Variants in C12orf42 observed in about 807,000 individuals in gnomAD.
C12orf42 encodes the protein uncharacterized protein C12orf42.
A neutral mutation model predicts 21.6 loss-of-function variants in C12orf42; 25 were observed. That is an observed-to-expected ratio of 1.16 (90% CI 0.84 to 1.62). The LOEUF is 1.62. Ranked by LOEUF, C12orf42 falls within the 40% of genes most tolerant of loss-of-function variation. The pLI is 0.00. For synonymous variants in C12orf42, 174 were observed against 175.0 expected (o/e 0.99, Z 0.05); for missense variants, 483 against 459.3 (o/e 1.05, Z -0.47).
At chr12:103,075,358 T>C in the C12orf42 span, among the ~76,000 whole-genome samples, 1 of 152,324 alleles carries the variant, frequency 6.6e-6, no homozygotes, top group Non-Finnish European at 1.5e-5. Context: ...TAATTAAGTT[T>C]GTTAGAATTC....
the C12orf42 span, among the ~76,000 whole-genome samples, chr12:103,111,281 A>G: frequency 2.0e-5 from 3 of 152,094 alleles, no homozygotes; most frequent in Non-Finnish European, 4.4e-5. Flanking sequence ...TATGATTTCT[A>G]TTTTCTCCTG....
At chr12:103,356,154 T>C (rs1226994046) in intron 4 of C12orf42, among the ~76,000 whole-genome samples, 1 of 152,022 alleles carries the variant, frequency 6.6e-6, no homozygotes, top group Non-Finnish European at 1.5e-5. Context: ...CCTTTCTAGG[T>C]CACATGGCTT....
chr12:103,442,388 A>C (rs1951303486), intron 2 of C12orf42, among the ~76,000 whole-genome samples: 1 of 152,148 alleles, frequency 6.6e-6, no homozygotes, highest in Admixed American at 6.5e-5. Flanking sequence ...ACTGGACAGC[A>C]CAGATGTGCA....
chr12:103,510,832 C>T, the C12orf42 span, among the ~76,000 whole-genome samples: 1 of 152,122 alleles, frequency 6.6e-6, no homozygotes, highest in Non-Finnish European at 1.5e-5. Flanking sequence ...TTGTTCTTCA[C>T]CCATCCTTAA....
In C12orf42 at chr12:103,440,457, C is replaced by CAAAAAAAAAA; in HGVS notation, c.78+37882_78+37891dup. On this transcript the variant is annotated intron_variant, in intron 2 of 5. Coordinates refer to ENST00000548883, the MANE Select transcript of C12orf42 (RefSeq NM_198521.5). ...AAATAAATAAAAGCCTCACAGATAC[C>CAAAAAAAAAA]AAAAAAAAAAAAAAAAAAAAAAGAA... Among the ~76,000 whole-genome samples the CAAAAAAAAAA allele has an allele frequency of 2.7e-3, 191 of 69,692 alleles. 1 individual carries two copies. The highest frequency in any genetic ancestry group is 3.1e-3 in the African/African-American group (51 of 16,474). The allele number at this position is 69,692 out of a possible 152,430, so 45.7% of individuals were successfully genotyped here.
Position 103,302,035 on chromosome 12 carries a change from G to T in C12orf42, c.*73C>A. On this transcript the variant is annotated 3_prime_UTR_variant, in exon 6 of 6. Transcript: ENST00000548883. ...TTCTGTGGAAACCAGTACATCTGAG[G>T]CCCTTTCTGTTGTTCTGAGCAGGCA... 6.9e-7 allele frequency: 1 copy of T among 1,446,090 alleles called. No individual in the cohort carries two copies. Among genetic ancestry groups the T allele is most frequent in the Non-Finnish European group, 9.4e-7 (1 of 1,061,112 alleles). 89.6% of individuals were successfully genotyped at this position (1,446,090 alleles called of 1,614,324 possible).
At chr12:103,183,553 CA>C in the C12orf42 span, among the ~76,000 whole-genome samples, 3 of 151,988 alleles carry the variant, frequency 2.0e-5, no homozygotes, top group African/African-American at 7.2e-5. Flanking sequence ...TATTGTCTTA[CA>C]TTTTTTATTT....
chr12:103,302,659 G>T, intron 5 of C12orf42, 100 bp from the exon 6 acceptor site: 25 of 861,976 alleles, frequency 2.9e-5, no homozygotes, highest in African/African-American at 3.7e-5. Context: ...ATCAACATTT[G>T]TAATGTGCTC....
the C12orf42 span, among the ~76,000 whole-genome samples, chr12:103,141,478 C>T: frequency 6.7e-6 from 1 of 149,862 alleles, no homozygotes; most frequent in African/African-American, 2.5e-5. Flanking sequence ...TGAAATTCAC[C>T]AAAAAGTGAA....
chr12:103,318,058 T>A (rs963344532), intron 4 of C12orf42, among the ~76,000 whole-genome samples: 6 of 152,088 alleles, frequency 3.9e-5, no homozygotes, highest in Non-Finnish European at 8.8e-5. Flanking sequence ...TCTCAGCACT[T>A]TAGGAGGCCA....
At chr12:103,250,074 TCTA>T (rs2136191573) in intron 10 of C12orf42, among the ~76,000 whole-genome samples, 1 of 142,980 alleles carries the variant, frequency 7.0e-6, no homozygotes, top group Admixed American at 6.9e-5. Context: ...TATCTATCTA[TCTA>T]TCTATCTATC....
chr12:103,063,287 T>A, the C12orf42 span, among the ~76,000 whole-genome samples: 2 of 152,224 alleles, frequency 1.3e-5, no homozygotes, highest in South Asian at 4.2e-4. Context: ...GAGAAAGAGC[T>A]GAAATTGTGG....
At chr12:103,416,558 C>T (rs1472043923) in intron 2 of C12orf42, among the ~76,000 whole-genome samples, 4 of 151,860 alleles carry the variant, frequency 2.6e-5, no homozygotes, top group Non-Finnish European at 5.9e-5. Context: ...GCATCCCACC[C>T]GAGACCACCA....
the C12orf42 span, among the ~76,000 whole-genome samples, chr12:103,216,765 G>C: frequency 6.6e-6 from 1 of 152,124 alleles, no homozygotes; most frequent in Admixed American, 6.6e-5. Context: ...ACCAAACCCA[G>C]AGATCATGTC....
At chr12:103,205,325 GCC>G in the C12orf42 span, among the ~76,000 whole-genome samples, 1 of 70,048 alleles carries the variant, frequency 1.4e-5, no homozygotes, top group Admixed American at 1.5e-4. Flanking sequence ...AGTTCCACAT[GCC>G]TGGGGAAGAC....
chr12:103,258,830 A>G (rs1002119823), intron 10 of C12orf42, among the ~76,000 whole-genome samples: 6 of 152,322 alleles, frequency 3.9e-5, no homozygotes, highest in Admixed American at 2.0e-4. Context: ...GGGGATTGAA[A>G]TAAGTGGAGA....
At chr12:103,447,254 G>C (rs1951640670) in intron 2 of C12orf42, among the ~76,000 whole-genome samples, 1 of 151,808 alleles carries the variant, frequency 6.6e-6, no homozygotes, top group African/African-American at 2.4e-5. Flanking sequence ...ACCTGCTCCT[G>C]AATGATCACT....
the C12orf42 span, among the ~76,000 whole-genome samples, chr12:103,160,127 A>T: frequency 6.6e-6 from 1 of 152,202 alleles, no homozygotes; most frequent in Non-Finnish European, 1.5e-5. Flanking sequence ...GCTAAACCTA[A>T]TTCTGTGAGA....
At chr12:103,318,559 C>T (rs2039767063) in intron 4 of C12orf42, among the ~76,000 whole-genome samples, 1 of 152,166 alleles carries the variant, frequency 6.6e-6, no homozygotes. Flanking sequence ...TAGAAAATGG[C>T]ACTGCATTGT....
Sources: allele counts gnomAD v4.1 joint callset (sites outside exome capture counted in the v4.1 genomes callset), GRCh38; gene constraint gnomAD v4.1.1; transcripts MANE v1.5; gene names NCBI Gene and HGNC (gene_info 2026-07-23, HGNC 2026-07-21).